Variants in TBCK observed in about 807,000 individuals in gnomAD.
TBCK encodes the protein TBC domain-containing protein kinase-like protein.
A neutral mutation model predicts 113.4 loss-of-function variants in TBCK; 99 were observed. The observed-to-expected ratio is 0.87, with a 90% CI of 0.74 to 1.03. TBCK has a LOEUF of 1.03. Among genes scored for constraint, TBCK ranks in the 50% least tolerant of loss-of-function variants. The probability of loss-of-function intolerance (pLI) is 0.00; values close to 1 mark genes in which losing one functional copy is unlikely to be tolerated. For missense variants in TBCK, 1,045 were observed against 1,061.3 expected (o/e 0.98, Z 0.21); for synonymous variants, 369 against 370.8 (o/e 1.00, Z 0.05).
At chr4:106,154,429 T>C (rs1188503117) in intron 23 of TBCK, among the ~76,000 whole-genome samples, 1 of 152,174 alleles carries the variant, frequency 6.6e-6, no homozygotes, top group Non-Finnish European at 1.5e-5. Context: ...TGAAATGTTG[T>C]TGTAGTTATT....
intron 20 of TBCK, among the ~76,000 whole-genome samples, chr4:106,199,206 TA>T (rs1754600158): frequency 6.6e-6 from 1 of 152,160 alleles, no homozygotes; most frequent in Non-Finnish European, 1.5e-5. Flanking sequence ...TCTATGTCAT[TA>T]AATCTAATGG....
At chr4:106,117,771 A>G (rs1157509435) in intron 23 of TBCK, among the ~76,000 whole-genome samples, 1 of 152,148 alleles carries the variant, frequency 6.6e-6, no homozygotes, top group Admixed American at 6.6e-5. Flanking sequence ...GCACTTTGGG[A>G]GGCTGAAGTG....
At chr4:106,183,937 C>CA (rs1307577011) in intron 22 of TBCK, among the ~76,000 whole-genome samples, 5 of 151,878 alleles carry the variant, frequency 3.3e-5, no homozygotes, top group South Asian at 2.1e-4. Flanking sequence ...ATCAAGATCA[C>CA]AAAAAATCCC....
At chr4:106,209,389 T>C (rs1307520093) in intron 20 of TBCK, among the ~76,000 whole-genome samples, 5 of 152,198 alleles carry the variant, frequency 3.3e-5, no homozygotes, top group African/African-American at 1.2e-4. Context: ...AAATAAAATA[T>C]GACCAATACA....
At chr4:106,161,557 T>C (rs1404758325) in intron 23 of TBCK, among the ~76,000 whole-genome samples, 1 of 152,118 alleles carries the variant, frequency 6.6e-6, no homozygotes, top group Non-Finnish European at 1.5e-5. Flanking sequence ...AGTCCAATAA[T>C]TGTAATGTGT....
At chr4:106,081,686 AAT>A (rs917435813) in intron 25 of TBCK, among the ~76,000 whole-genome samples, 13 of 152,188 alleles carry the variant, frequency 8.5e-5, no homozygotes, top group African/African-American at 3.1e-4. Context: ...AGAATGGGAG[AAT>A]ATATTTGCAA....
chr4:106,108,410 T>C (rs1413575408), intron 24 of TBCK, among the ~76,000 whole-genome samples: 1 of 152,174 alleles, frequency 6.6e-6, no homozygotes, highest in Non-Finnish European at 1.5e-5. Flanking sequence ...TGCTTCACCA[T>C]GATCAAGTAG....
At chr4:106,132,515 A>C (rs1366986170) in intron 23 of TBCK, among the ~76,000 whole-genome samples, 1 of 152,238 alleles carries the variant, frequency 6.6e-6, no homozygotes, top group Non-Finnish European at 1.5e-5. Flanking sequence ...ACGTCCATGC[A>C]AAAGTTTGCT....
At chr4:106,273,095 C>T (rs1272977703) in intron 3 of TBCK, among the ~76,000 whole-genome samples, 3 of 152,174 alleles carry the variant, frequency 2.0e-5, no homozygotes, top group African/African-American at 7.2e-5. Context: ...ATTTTTAAGT[C>T]ACAAACTTTG....
At chr4:106,197,341 A>AGTGTGT (rs34095868) in intron 20 of TBCK, among the ~76,000 whole-genome samples, 2,866 of 142,312 alleles carry the variant, frequency 0.02, 27 homozygotes, top group Middle Eastern at 0.032. Context: ...ATTACTGAAG[A>AGTGTGT]GTGTGTGTGT....
chr4:106,210,778 A>C (rs1366675438), intron 20 of TBCK, among the ~76,000 whole-genome samples: 1 of 152,206 alleles, frequency 6.6e-6, no homozygotes, highest in Non-Finnish European at 1.5e-5. Flanking sequence ...TAAACATTTA[A>C]TATGTATTCA....
intron 19 of TBCK, among the ~76,000 whole-genome samples, chr4:106,218,806 G>T (rs1216018363): frequency 2.5e-5 from 3 of 121,692 alleles, no homozygotes; most frequent in Non-Finnish European, 5.2e-5. Context: ...GTGGAAGTCA[G>T]TGTGGCGATT....
At chr4:106,167,752 T>C (rs1332245174) in intron 23 of TBCK, among the ~76,000 whole-genome samples, 1 of 151,760 alleles carries the variant, frequency 6.6e-6, no homozygotes, top group African/African-American at 2.4e-5. Context: ...CCCATAAATT[T>C]GATAGCCTGG....
Position 106,210,089 on chromosome 4 carries a change from T to C in TBCK, c.1860+2661A>G, listed in dbSNP as rs1755955504. ...TGTGAGGAGAGACATTTACTGTCCTTTGTTCTAGACTATCTTTTCAAATAT... is the reference window on the plus strand; with the variant it reads ...TGTGAGGAGAGACATTTACTGTCCTCTGTTCTAGACTATCTTTTCAAATAT... On this transcript the variant is annotated intron_variant, in intron 20 of 25. Transcript: ENST00000394708. Among the ~76,000 whole-genome samples, 3 of 152,302 alleles carry C rather than the reference T, an allele frequency of 2.0e-5. No individual in the cohort carries two copies. The South Asian group carries it at 6.2e-4, about 32-fold the overall frequency.
In TBCK at chr4:106,135,164, T is replaced by G. The variant is rs142829512; in HGVS notation, c.2236-18786A>C. ...CTACCTCAAAGACTCCACAATCCAG[T>G]TGGGAAGGCAAGACTAACAGGAATG... On this transcript the variant is annotated intron_variant, in intron 23 of 25. Transcript: ENST00000394708. 5.6e-4 allele frequency among the ~76,000 whole-genome samples: 85 copies of G among 151,996 alleles called. 1 individual carries two copies. The East Asian group carries it at 0.013, about 23-fold the overall frequency.
rs1734209792 is a variant in TBCK, at chr4:106,046,290, TGTC to T, written c.*277_*279del. ...TTTCTTGATAATGCTAAATCTGTCT[TGTC>T]AGCTGAATTTCTTGGGCTTTATGTG... On this transcript the variant is annotated 3_prime_UTR_variant, in exon 26 of 26. Coordinates refer to ENST00000394708, the MANE Select transcript of TBCK (RefSeq NM_001163435.3). 1 of 278,288 alleles carries T rather than the reference TGTC, an allele frequency of 3.6e-6. No homozygotes were observed. Among genetic ancestry groups the T allele is most frequent in the Non-Finnish European group, 6.8e-6 (1 of 148,140 alleles). 17.2% of individuals were successfully genotyped at this position (278,288 alleles called of 1,614,324 possible).
intron 20 of TBCK, among the ~76,000 whole-genome samples, chr4:106,209,806 C>A (rs1385093181): frequency 6.6e-6 from 1 of 151,766 alleles, no homozygotes; most frequent in Non-Finnish European, 1.5e-5. Flanking sequence ...TGGCCAATAT[C>A]TTTAAGTTTT....
intron 5 of TBCK, chr4:106,254,983 T>C: frequency 4.7e-6 from 1 of 213,206 alleles, no homozygotes; most frequent in Non-Finnish European, 9.7e-6. Flanking sequence ...AGGCTCTTTG[T>C]AGGTGTTTGT....
Position 106,043,246 on chromosome 4 carries a change from T to G in TBCK, c.*3324A>C, listed in dbSNP as rs1175805414. 1.3e-5 allele frequency: 2 copies of G among 152,210 alleles called. No individual in the cohort carries two copies. The highest frequency in any genetic ancestry group is 4.8e-5 in the African/African-American group (2 of 41,462). The allele number at this position is 152,210 out of a possible 1,614,324, so 9.4% of individuals were successfully genotyped here. ...GAGGATGCAACTAGATTAAATTACC[T>G]TATTTTGGAAGTTATCTGCTCCAAC... On this transcript the variant is annotated 3_prime_UTR_variant, in exon 26 of 26. Transcript: ENST00000394708.
Sources: allele counts gnomAD v4.1 joint callset (sites outside exome capture counted in the v4.1 genomes callset), GRCh38; gene constraint gnomAD v4.1.1; transcripts MANE v1.5; gene names NCBI Gene and HGNC (gene_info 2026-07-23, HGNC 2026-07-21).